PEX14: variants seen among roughly 807,000 people sequenced by gnomAD.
PEX14 encodes peroxisomal biogenesis factor 14.
In PEX14, 15 loss-of-function variants were observed where a neutral mutation model predicts 49.5. The observed-to-expected ratio is 0.30, with a 90% confidence interval of 0.20 to 0.47. The LOEUF is 0.47. Among genes scored for constraint, PEX14 ranks in the 20% least tolerant of loss-of-function variants. The pLI is 1.00. For missense variants in PEX14, 398 were observed against 494.8 expected (o/e 0.80, Z 1.86); for synonymous variants, 210 against 212.7 (o/e 0.99, Z 0.11).
chr1:10,527,107 A>G (rs61777176), intron 2 of PEX14, among the ~76,000 whole-genome samples: 6,652 of 149,150 alleles, frequency 0.045, 321 homozygotes, highest in African/African-American at 0.11. Context: ...CCAGCTACTC[A>G]GGAGGCTGAG....
At chr1:10,537,655 C>T (rs921922938) in intron 3 of PEX14, among the ~76,000 whole-genome samples, 2 of 151,984 alleles carry the variant, frequency 1.3e-5, no homozygotes, top group Non-Finnish European at 2.9e-5. Flanking sequence ...CGACAATGAC[C>T]AGTTAGTCCT....
In PEX14 at chr1:10,630,166, C is replaced by T; in HGVS notation, c.*179C>T. ...GGGAGTCACACTTCTGTCCACCTGG[C>T]CTCCTCTCGCCTGGCCGCCAGCCCC... On this transcript the variant is annotated 3_prime_UTR_variant, in exon 9 of 9. Coordinates refer to ENST00000356607, the MANE Select transcript of PEX14 (RefSeq NM_004565.3). The surrounding 1 kb of genome is among the most constrained non-coding windows in gnomAD (Gnocchi z 4.1). 1.0e-6 allele frequency: 1 copy of T among 977,240 alleles called. No homozygotes were observed. Among genetic ancestry groups the T allele is most frequent in the Non-Finnish European group, 1.5e-6 (1 of 678,820 alleles). The allele number at this position is 977,240 out of a possible 1,614,324, so 60.5% of individuals were successfully genotyped here.
At chr1:10,622,338 G>A (rs896993394) in intron 5 of PEX14, among the ~76,000 whole-genome samples, 11 of 152,234 alleles carry the variant, frequency 7.2e-5, no homozygotes, top group East Asian at 1.9e-4. Flanking sequence ...TGGGGAACTC[G>A]ACTTCTTTTG....
chr1:10,520,088 C>T lies in PEX14; in HGVS notation c.85-16125C>T, dbSNP rs148230524. ...TTCCTGGGCTCAGGCGATCCTCTCA[C>T]TTCAGTCTCCCACAGTGCTGGGATT... On this transcript the variant is annotated intron_variant, in intron 2 of 8. Coordinates refer to ENST00000356607, the MANE Select transcript of PEX14 (RefSeq NM_004565.3). 2.7e-3 allele frequency among the ~76,000 whole-genome samples: 414 copies of T among 151,368 alleles called. 6 individuals carry two copies. The highest frequency in any genetic ancestry group is 0.021 in the East Asian group (110 of 5,136).
At chr1:10,484,512 G>A (rs1425095339) in intron 1 of PEX14, among the ~76,000 whole-genome samples, 1 of 151,780 alleles carries the variant, frequency 6.6e-6, no homozygotes, top group African/African-American at 2.4e-5. Context: ...TCCATCGTAT[G>A]GATGGCTATA....
At chr1:10,600,827 A>C (rs1453933539) in intron 4 of PEX14, among the ~76,000 whole-genome samples, 1 of 152,076 alleles carries the variant, frequency 6.6e-6, no homozygotes, top group Non-Finnish European at 1.5e-5. Flanking sequence ...AAAATGATTT[A>C]AAACTGTTAG....
intron 2 of PEX14, among the ~76,000 whole-genome samples, chr1:10,516,576 G>T (rs1020618771): frequency 2.6e-5 from 4 of 152,196 alleles, no homozygotes; most frequent in African/African-American, 9.7e-5. Flanking sequence ...GTCTGTGCTG[G>T]CATCTGTGAC....
chr1:10,518,766 T>G (rs985814362), intron 2 of PEX14, among the ~76,000 whole-genome samples: 1 of 152,230 alleles, frequency 6.6e-6, no homozygotes, highest in Non-Finnish European at 1.5e-5. Context: ...TTCCCAGCCC[T>G]TGCCCGAAAT....
chr1:10,489,581 C>T (rs1641435113), intron 1 of PEX14, among the ~76,000 whole-genome samples: 1 of 152,212 alleles, frequency 6.6e-6, no homozygotes, highest in South Asian at 2.1e-4. Context: ...CTAGCTTCTT[C>T]TTCACTGTGG....
intron 3 of PEX14, among the ~76,000 whole-genome samples, chr1:10,570,848 G>GTTTGGTT (rs71583883): frequency 8.8e-6 from 1 of 113,912 alleles, no homozygotes. Flanking sequence ...TGTCAACAGG[G>GTTTGGTT]TTTTTTTTTT....
chr1:10,542,722 C>T (rs1639053429), intron 3 of PEX14, among the ~76,000 whole-genome samples: 1 of 146,452 alleles, frequency 6.8e-6, no homozygotes, highest in African/African-American at 2.5e-5. Context: ...GATCGTGTCA[C>T]CGCACTCCAG....
intron 2 of PEX14, among the ~76,000 whole-genome samples, chr1:10,526,682 T>G (rs1241388005): frequency 1.3e-5 from 2 of 152,182 alleles, no homozygotes; most frequent in Non-Finnish European, 2.9e-5. Context: ...TAATACTTAC[T>G]GGTTGAGCAT....
Position 10,602,430 on chromosome 1 carries a change from A to G in PEX14, c.298+3064A>G, listed in dbSNP as rs149373290. Reference sequence around the variant, plus strand: ...GAGGTGTCAAAACTGCTTAAAAAAAAAAAAAGCTTGATTTTGATTAATATA... The same window carrying G: ...GAGGTGTCAAAACTGCTTAAAAAAAGAAAAAGCTTGATTTTGATTAATATA... On this transcript the variant is annotated intron_variant, in intron 4 of 8. Coordinates refer to ENST00000356607, the MANE Select transcript of PEX14 (RefSeq NM_004565.3). 1.3e-4 allele frequency among the ~76,000 whole-genome samples: 20 copies of G among 152,296 alleles called. No homozygotes were observed. The East Asian group carries it at 3.7e-3, about 28-fold the overall frequency.
chr1:10,546,563 C>CAA (rs35214823), intron 3 of PEX14, among the ~76,000 whole-genome samples: 795 of 47,674 alleles, frequency 0.017, 50 homozygotes, highest in African/African-American at 0.05. Flanking sequence ...GACTCTGTTT[C>CAA]AAAAAAAAAA....
chr1:10,477,075 CTT>C (rs573516670), intron 1 of PEX14, among the ~76,000 whole-genome samples: 9 of 143,800 alleles, frequency 6.3e-5, no homozygotes, highest in South Asian at 2.2e-4. Flanking sequence ...TTGAACTTTT[CTT>C]TTTTTTTTTT....
Position 10,529,069 on chromosome 1 carries a change from G to T in PEX14, c.85-7144G>T, listed in dbSNP as rs941388084. Among the ~76,000 whole-genome samples the T allele has an allele frequency of 1.3e-5, 2 of 152,188 alleles. No individual in the cohort carries two copies. ...CCCTCTTTGGGTAACTGCTTTGTTG[G>T]TTGCATCAAAAATTAGAGGGGCTGC... On this transcript the variant is annotated intron_variant, in intron 2 of 8. Transcript: ENST00000356607. This position sits in a 1 kb window ranked among gnomAD's most constrained non-coding sequence, Gnocchi z 4.2.
At position 10,617,731 on chromosome 1, in the gene PEX14, G is replaced by A. The variant is rs185357151; in HGVS notation, c.299-601G>A. Among the ~76,000 whole-genome samples, 19 of 151,536 alleles carry A rather than the reference G, an allele frequency of 1.3e-4. No individual in the cohort carries two copies. The East Asian group carries it at 1.7e-3, about 14-fold the overall frequency. On this transcript the variant is annotated intron_variant, in intron 4 of 8. Coordinates refer to ENST00000356607, the MANE Select transcript of PEX14 (RefSeq NM_004565.3). ...GCCACCCCCATCCCTTTTGATAGGC[G>A]TTCTCATTCTCTGAAGCCTTGCTCA...
At chr1:10,507,672 A>G (rs1049949953) in intron 2 of PEX14, among the ~76,000 whole-genome samples, 3 of 152,190 alleles carry the variant, frequency 2.0e-5, no homozygotes, top group African/African-American at 7.2e-5. Flanking sequence ...AGGTTGGACA[A>G]TTGAGCAATT....
chr1:10,492,795 G>A (rs1641493724), intron 1 of PEX14, among the ~76,000 whole-genome samples: 1 of 152,238 alleles, frequency 6.6e-6, no homozygotes, highest in African/African-American at 2.4e-5. Flanking sequence ...CAGGGATACA[G>A]TGATAAGCAA....
Sources: gnomAD v4.1 joint callset for allele counts (sites outside exome capture counted in the v4.1 genomes callset) on GRCh38, gnomAD v4.1.1 for gene constraint, Gnocchi (gnomAD v3.1) non-coding constraint, MANE v1.5 for transcripts, NCBI Gene and HGNC (gene_info 2026-07-23, HGNC 2026-07-21) for gene names.